Variants in PRPSAP1 observed in about 807,000 individuals in gnomAD.
The protein encoded by PRPSAP1 is phosphoribosyl pyrophosphate synthase-associated protein 1.
A neutral mutation model predicts 39.4 loss-of-function variants in PRPSAP1; 31 were observed. That is an observed-to-expected ratio of 0.79 (90% CI 0.59 to 1.06). PRPSAP1 has a LOEUF of 1.06. Among genes scored for constraint, PRPSAP1 ranks in the 50% least tolerant of loss-of-function variants. PRPSAP1 has a pLI of 0.00. For synonymous variants in PRPSAP1, 212 were observed against 192.6 expected, an observed-to-expected ratio of 1.10 and a Z score of -0.83; for missense variants, 430 against 511.6, an observed-to-expected ratio of 0.84 and a Z score of 1.54.
intron 7 of PRPSAP1, among the ~76,000 whole-genome samples, chr17:76,320,867 T>C (rs557122907): frequency 3.5e-4 from 53 of 151,930 alleles, no homozygotes; most frequent in African/African-American, 1.2e-3. Flanking sequence ...CTGCAACCTC[T>C]GCCTCCTGGA....
intron 3 of PRPSAP1, 90 bp downstream of exon 3, chr17:76,344,581 A>C: frequency 8.4e-7 from 1 of 1,197,584 alleles, no homozygotes; most frequent in Non-Finnish European, 1.2e-6. Context: ...ATAACTTTTA[A>C]AAACACTAAG....
chr17:76,319,003 G>C (rs1034406061), intron 7 of PRPSAP1, among the ~76,000 whole-genome samples: 1 of 152,032 alleles, frequency 6.6e-6, no homozygotes, highest in African/African-American at 2.4e-5. Flanking sequence ...GCAGTGGCGT[G>C]ATCTCAGCTC....
At chr17:76,339,507 A>C (rs1338182777) in intron 3 of PRPSAP1, among the ~76,000 whole-genome samples, 1 of 151,808 alleles carries the variant, frequency 6.6e-6, no homozygotes, top group Non-Finnish European at 1.5e-5. Context: ...TCTTTTTTCC[A>C]AATTTTTCCT....
At chr17:76,319,625 T>G (rs529202902) in intron 7 of PRPSAP1, among the ~76,000 whole-genome samples, 1 of 151,868 alleles carries the variant, frequency 6.6e-6, no homozygotes, top group Admixed American at 6.6e-5. Flanking sequence ...CCCGCCACCA[T>G]GCTCGGCTAA....
At position 76,328,707 on chromosome 17, in the gene PRPSAP1, C is replaced by T. The variant is rs1356390038; in HGVS notation, c.781+10G>A. On this transcript the variant is annotated intron_variant, in intron 7 of 9. Coordinates refer to ENST00000446526, the MANE Select transcript of PRPSAP1 (RefSeq NM_002766.3). ...TTACAAATAAAATAAAAACACAGAGCTCATCTTACATGGCAACTCCAGGCC... is the reference window on the plus strand; with the variant it reads ...TTACAAATAAAATAAAAACACAGAGTTCATCTTACATGGCAACTCCAGGCC... 6.2e-7 allele frequency: 1 copy of T among 1,611,032 alleles called. No homozygotes were observed. Among genetic ancestry groups the T allele is most frequent in the South Asian group, 1.1e-5 (1 of 90,358 alleles).
At chr17:76,320,253 C>CAAGAAAGAAAGAAAAGA (rs781727208) in intron 7 of PRPSAP1, among the ~76,000 whole-genome samples, 4 of 115,376 alleles carry the variant, frequency 3.5e-5, no homozygotes, top group African/African-American at 6.1e-5. Flanking sequence ...CTGGGTGAGA[C>CAAGAAAGAAAGAAAAGA]AAGAAAGAAA....
chr17:76,313,393 A>G (rs2279056), intron 8 of PRPSAP1: 104,052 of 236,026 alleles, frequency 0.44, 27,668 homozygotes, highest in African/African-American at 0.79. Context: ...CAAAGGACTC[A>G]TGACCCACTA....
intron 1 of PRPSAP1, among the ~76,000 whole-genome samples, chr17:76,352,662 AAAAAAGAAAAGAAAAAG>A (rs2071589839): frequency 6.6e-6 from 1 of 151,002 alleles, no homozygotes; most frequent in Admixed American, 6.6e-5. Flanking sequence ...AAAAAAAAAA[AAAAAAGAAAAGAAAAAG>A]AAAAAGAAAA....
chr17:76,331,854 G>A lies in PRPSAP1; in HGVS notation c.463+409C>T, dbSNP rs182904291. On this transcript the variant is annotated intron_variant, in intron 4 of 9. Coordinates refer to ENST00000446526, the MANE Select transcript of PRPSAP1 (RefSeq NM_002766.3). ...ATGAAAATGAGCCACTATGTAGAAA[G>A]GCAAGGGTGGGGGAGAGGGAGTAAA... is the stretch of plus-strand genomic sequence containing the variant. Among the ~76,000 whole-genome samples the A allele has an allele frequency of 1.3e-3, 194 of 152,176 alleles. 2 individuals carry two copies. The Middle Eastern group carries it at 0.017, about 13-fold the overall frequency.
intron 4 of PRPSAP1, among the ~76,000 whole-genome samples, chr17:76,331,282 T>A (rs1673885953): frequency 6.6e-6 from 1 of 152,182 alleles, no homozygotes; most frequent in South Asian, 2.1e-4. Context: ...ACTTCCAGGG[T>A]GTAGAACCAG....
At chr17:76,333,872 ATTCT>A (rs368430823) in intron 3 of PRPSAP1, among the ~76,000 whole-genome samples, 196 of 152,094 alleles carry the variant, frequency 1.3e-3, no homozygotes, top group African/African-American at 4.0e-3. Context: ...TCATTCATTC[ATTCT>A]TTCTTTCACT....
At chr17:76,325,950 A>G (rs752181726) in intron 7 of PRPSAP1, among the ~76,000 whole-genome samples, 1 of 152,052 alleles carries the variant, frequency 6.6e-6, no homozygotes, top group Non-Finnish European at 1.5e-5. Flanking sequence ...AAATTAAGGT[A>G]CGTACATTGG....
intron 7 of PRPSAP1, among the ~76,000 whole-genome samples, chr17:76,325,857 C>T (rs1008955047): frequency 6.6e-6 from 1 of 152,088 alleles, no homozygotes; most frequent in Non-Finnish European, 1.5e-5. Context: ...CTGCCCGCCT[C>T]AGCCTCCCAA....
At chr17:76,314,610 T>G (rs1251945887) in intron 7 of PRPSAP1, 5 of 152,062 alleles carry the variant, frequency 3.3e-5, no homozygotes, top group Non-Finnish European at 5.9e-5. Flanking sequence ...AAGCAAACAA[T>G]CCTCCTACCT....
At chr17:76,339,511 TTTTCC>T (rs2071413369) in intron 3 of PRPSAP1, among the ~76,000 whole-genome samples, 1 of 151,802 alleles carries the variant, frequency 6.6e-6, no homozygotes, top group African/African-American at 2.4e-5. Flanking sequence ...TTTTCCAAAT[TTTTCC>T]TTTCTTCTTC....
chr17:76,329,038 G>C (rs1381521986), intron 6 of PRPSAP1, 176 bp from the exon 7 acceptor site: 1 of 702,358 alleles, frequency 1.4e-6, no homozygotes, highest in Non-Finnish European at 2.2e-6. Flanking sequence ...CAAAGGGCAC[G>C]TGAGTTAGGG....
In PRPSAP1 at chr17:76,353,805, C is replaced by T. The variant is rs1392403291; in HGVS notation, c.-102G>A. On this transcript the variant is annotated 5_prime_UTR_variant, in exon 1 of 10. Coordinates refer to ENST00000446526, the MANE Select transcript of PRPSAP1 (RefSeq NM_002766.3). ...TTTGGGTGGGGAAGGCGCTGAGAAA[C>T]TCGGCGCAAGCGGGGAGAGCTCCGA... 2 of 1,388,334 alleles carry T rather than the reference C, an allele frequency of 1.4e-6. No homozygotes were observed. The highest frequency in any genetic ancestry group is 1.9e-6 in the Non-Finnish European group (2 of 1,079,478). 86.0% of individuals were successfully genotyped at this position (1,388,334 alleles called of 1,614,324 possible).
At chr17:76,332,501 T>C in intron 3 of PRPSAP1, 66 bp from the exon 4 acceptor site, 1 of 1,567,588 alleles carries the variant, frequency 6.4e-7, no homozygotes, top group Non-Finnish European at 8.7e-7. Flanking sequence ...AGATCTTGAC[T>C]TTATCAACTT....
chr17:76,336,856 G>C (rs2071385368), intron 3 of PRPSAP1, among the ~76,000 whole-genome samples: 2 of 151,706 alleles, frequency 1.3e-5, no homozygotes, highest in Non-Finnish European at 2.9e-5. Context: ...CCCCTTATTG[G>C]TCAGAAAGGT....
Sources: allele counts gnomAD v4.1 joint callset (sites outside exome capture counted in the v4.1 genomes callset), GRCh38; gene constraint gnomAD v4.1.1; transcripts MANE v1.5; gene names NCBI Gene and HGNC (gene_info 2026-07-23, HGNC 2026-07-21).